SCAPER: variants seen among roughly 807,000 people sequenced by gnomAD.
SCAPER encodes the protein S-phase cyclin A associated protein in the ER, also known as S phase cyclin A-associated protein in the endoplasmic reticulum.
A neutral mutation model predicts 182.2 loss-of-function variants in SCAPER; 98 were observed. The ratio of observed to expected loss-of-function variants is 0.54; its 90% confidence interval spans 0.46 to 0.64. The LOEUF (loss-of-function observed/expected upper bound fraction) is 0.64, where lower values mean the gene tolerates loss of function less well. Ranked by LOEUF, SCAPER falls within the 30% of genes least tolerant of loss-of-function variation. The probability of loss-of-function intolerance (pLI) is 0.00; values close to 1 mark genes in which losing one functional copy is unlikely to be tolerated. For synonymous variants in SCAPER, 605 were observed against 564.6 expected (o/e 1.07, Z -1.01); for missense variants, 1,432 against 1,690.0 (o/e 0.85, Z 2.68).
chr15:76,733,530 C>T, intron 15 of SCAPER, 146 bp from the exon 16 acceptor site: 4 of 899,522 alleles, frequency 4.4e-6, no homozygotes. Flanking sequence ...AGGCGGATCA[C>T]CTGAAGTTGG....
At chr15:76,868,286 G>GAGAGGC (rs775195547) in intron 2 of SCAPER, among the ~76,000 whole-genome samples, 90 of 152,020 alleles carry the variant, frequency 5.9e-4, no homozygotes, top group Non-Finnish European at 1.1e-3. Context: ...CTAGCACTTC[G>GAGAGGC]AGAGGCAGAG....
chr15:76,834,310 G>C (rs1232335364), intron 5 of SCAPER, among the ~76,000 whole-genome samples: 1 of 152,046 alleles, frequency 6.6e-6, no homozygotes, highest in Non-Finnish European at 1.5e-5. Flanking sequence ...TAAAAACAAA[G>C]AAACAACATA....
rs374614901 is a variant in SCAPER at position 76,420,232 on chromosome 15, T to C, written c.3311+13846A>G. Among the ~76,000 whole-genome samples, 71 of 138,798 alleles carry C rather than the reference T, an allele frequency of 5.1e-4. 1 individual carries two copies. The highest frequency in any genetic ancestry group is 1.9e-3 in the African/African-American group (66 of 35,322). The allele number at this position is 138,798 out of a possible 152,430, so 91.1% of individuals were successfully genotyped here. On this transcript the variant is annotated intron_variant, in intron 26 of 31. Transcript: ENST00000563290. Reference sequence around the variant, plus strand: ...ACTTTCACCCCTCTATAGATGTTTTTTCCTTTTTTTTTTTTTTTTTTTTTA... The same window carrying C: ...ACTTTCACCCCTCTATAGATGTTTTCTCCTTTTTTTTTTTTTTTTTTTTTA...
In SCAPER at chr15:76,533,925, A is replaced by G. The variant is rs2043900769; in HGVS notation, c.2839-28951T>C. Among the ~76,000 whole-genome samples the G allele has an allele frequency of 6.6e-5, 10 of 152,394 alleles. 2 individuals carry two copies. The South Asian group carries it at 2.1e-3, about 32-fold the overall frequency. ...TCAGAAGAGGATTATTAACCAAATT[A>G]GTAAAATTACCATTTCCATTGCTGG... On this transcript the variant is annotated intron_variant, in intron 23 of 31. Coordinates refer to ENST00000563290, the MANE Select transcript of SCAPER (RefSeq NM_020843.4).
chr15:76,871,827 G>C (rs914298011), intron 2 of SCAPER, among the ~76,000 whole-genome samples: 2 of 151,992 alleles, frequency 1.3e-5, no homozygotes, highest in African/African-American at 4.8e-5. Context: ...CTGACCTCAA[G>C]TGATCCACCC....
In SCAPER at chr15:76,579,976, A is replaced by C. The variant is rs1439667767; in HGVS notation, c.2712-5692T>G. 3.9e-5 allele frequency among the ~76,000 whole-genome samples: 6 copies of C among 152,308 alleles called. No homozygotes were observed. In the South Asian group the frequency reaches 6.2e-4, roughly 16 times the overall value. ...GTCAATTCAGTAAAACAATATAATA[A>C]TTATAAATATATATGCACCAAATAT... On this transcript the variant is annotated intron_variant, in intron 22 of 31. Transcript: ENST00000563290.
chr15:76,820,330 G>A (rs1233677256), intron 5 of SCAPER, among the ~76,000 whole-genome samples: 3 of 151,950 alleles, frequency 2.0e-5, no homozygotes. Flanking sequence ...CAAAGACTTG[G>A]AACCAACCCA....
At chr15:76,423,984 A>T (rs62028406) in intron 26 of SCAPER, among the ~76,000 whole-genome samples, 48,407 of 151,970 alleles carry the variant, frequency 0.32, 8,119 homozygotes, top group East Asian at 0.58. Context: ...GGTCTGAGAG[A>T]CAGTTTGTTA....
At chr15:76,657,600 A>AAAAAG (rs1555521635) in intron 21 of SCAPER, among the ~76,000 whole-genome samples, 351 of 150,850 alleles carry the variant, frequency 2.3e-3, no homozygotes, top group Middle Eastern at 6.8e-3. Flanking sequence ...AAAAAAAAAA[A>AAAAAG]AAAGAAAGAA....
Position 76,532,671 on chromosome 15 carries a change from T to C in SCAPER, c.2839-27697A>G, listed in dbSNP as rs1039431933. ...ATTAAGGATTAAATTCATCATAAAT[T>C]TTCTGAAGAAAATTCACCTTAAATG... On this transcript the variant is annotated intron_variant, in intron 23 of 31. Coordinates refer to ENST00000563290, the MANE Select transcript of SCAPER (RefSeq NM_020843.4). Among the ~76,000 whole-genome samples, 15 of 152,166 alleles carry C rather than the reference T, an allele frequency of 9.9e-5. 1 individual carries two copies. Among genetic ancestry groups the C allele is most frequent in the African/African-American group, 3.6e-4 (15 of 41,444 alleles).
intron 8 of SCAPER, among the ~76,000 whole-genome samples, chr15:76,776,967 A>C (rs1262694058): frequency 6.6e-6 from 1 of 152,216 alleles, no homozygotes; most frequent in East Asian, 1.9e-4. Flanking sequence ...AAACAGAGAA[A>C]ACTATGAATT....
chr15:76,581,852 C>T (rs1419337295), intron 22 of SCAPER, among the ~76,000 whole-genome samples: 1 of 152,168 alleles, frequency 6.6e-6, no homozygotes, highest in South Asian at 2.1e-4. Context: ...TCCCAACATG[C>T]CAGGATTACA....
chr15:76,763,200 T>C (rs957801302), intron 14 of SCAPER, among the ~76,000 whole-genome samples: 2 of 152,190 alleles, frequency 1.3e-5, no homozygotes, highest in Non-Finnish European at 2.9e-5. Context: ...CTTTATCTCC[T>C]TTCCATTTTT....
At chr15:76,638,656 T>G (rs1486677320) in intron 21 of SCAPER, among the ~76,000 whole-genome samples, 1 of 152,216 alleles carries the variant, frequency 6.6e-6, no homozygotes, top group East Asian at 1.9e-4. Flanking sequence ...TTATACTGAT[T>G]GATTTTCAAA....
At chr15:76,732,714 C>T (rs747737948) in intron 16 of SCAPER, among the ~76,000 whole-genome samples, 1 of 152,226 alleles carries the variant, frequency 6.6e-6, no homozygotes, top group African/African-American at 2.4e-5. Flanking sequence ...TGAGGCCTAA[C>T]CGTCTCCCTG....
chr15:76,649,717 A>T (rs1024486623), intron 21 of SCAPER, among the ~76,000 whole-genome samples: 4 of 151,762 alleles, frequency 2.6e-5, no homozygotes. Context: ...AAACACAATA[A>T]CATGTTTAAG....
At chr15:76,442,247 T>C (rs2047665852) in intron 25 of SCAPER, among the ~76,000 whole-genome samples, 1 of 152,124 alleles carries the variant, frequency 6.6e-6, no homozygotes. Context: ...CCCCCCAAAA[T>C]AAGTTATGTG....
intron 25 of SCAPER, among the ~76,000 whole-genome samples, chr15:76,461,435 A>G (rs1030182192): frequency 6.6e-6 from 1 of 151,578 alleles, no homozygotes; most frequent in African/African-American, 2.4e-5. Flanking sequence ...TTTTGCATCC[A>G]CTGATGATTC....
intron 5 of SCAPER, among the ~76,000 whole-genome samples, chr15:76,813,461 C>CA (rs1269269570): frequency 0.01 from 1,417 of 135,390 alleles, 14 homozygotes; most frequent in African/African-American, 0.033. Flanking sequence ...GCAATCGGAC[C>CA]AAAAAAAAAA....
Sources: allele counts gnomAD v4.1 joint callset (sites outside exome capture counted in the v4.1 genomes callset), GRCh38; gene constraint gnomAD v4.1.1; transcripts MANE v1.5; gene names NCBI Gene and HGNC (gene_info 2026-07-23, HGNC 2026-07-21).